Variants in ZNF407 observed in about 807,000 individuals in gnomAD.
The protein encoded by ZNF407 is zinc finger protein 407.
In ZNF407, 17 loss-of-function variants were observed where a neutral mutation model predicts 131.2. The observed-to-expected ratio is 0.13, with a 90% confidence interval of 0.09 to 0.19. The LOEUF is 0.19. Ranked by LOEUF, ZNF407 falls within the 10% of genes least tolerant of loss-of-function variation. ZNF407 has a pLI of 1.00. For missense variants in ZNF407, 2,681 were observed against 2,830.6 expected, an observed-to-expected ratio of 0.95 and a Z score of 1.20; for synonymous variants, 1,156 against 1,062.0, an observed-to-expected ratio of 1.09 and a Z score of -1.72.
At chr18:74,854,433 G>A (rs767831179) in intron 4 of ZNF407, among the ~76,000 whole-genome samples, 10 of 152,162 alleles carry the variant, frequency 6.6e-5, no homozygotes, top group Non-Finnish European at 8.8e-5. Flanking sequence ...GCTGTAACAA[G>A]TAGTGATAAT....
intron 3 of ZNF407, among the ~76,000 whole-genome samples, chr18:74,735,369 A>ATATG (rs1473309043): frequency 6.6e-6 from 1 of 152,216 alleles, no homozygotes; most frequent in African/African-American, 2.4e-5. Context: ...CTTAAAATGG[A>ATATG]TATGTGCTCA....
At chr18:74,859,573 C>T (rs1970908428) in intron 4 of ZNF407, among the ~76,000 whole-genome samples, 1 of 152,124 alleles carries the variant, frequency 6.6e-6, no homozygotes, top group Admixed American at 6.5e-5. Flanking sequence ...AAGGAGGAAG[C>T]AAATCTTTTC....
At chr18:75,034,594 G>A (rs62089934) in intron 8 of ZNF407, among the ~76,000 whole-genome samples, 2 of 151,386 alleles carry the variant, frequency 1.3e-5, no homozygotes, top group East Asian at 1.9e-4. Flanking sequence ...GAGCCACTGC[G>A]CCCGGCGGGT....
In ZNF407 at chr18:74,633,390, G is replaced by A. The variant is rs773173543; in HGVS notation, c.2371G>A (p.Val791Ile). Reference sequence around the variant, plus strand: ...AAATGATAAAAAAGAAGAGTTTGATGTTTCCGGAAATGGAAGGATTGAAGG... The same window carrying A: ...AAATGATAAAAAAGAAGAGTTTGATATTTCCGGAAATGGAAGGATTGAAGG... ...GANDKKEEFDVSGNGRIEGHI... is the reference protein window; with the variant it reads ...GANDKKEEFDISGNGRIEGHI... The change falls in exon 2 of 9, where the codon GTT becomes ATT. Residue 791 changes from valine (V) to isoleucine (I), a missense_variant. By Grantham distance (29) the Val-to-Ile change is conservative. This residue lies in a region of ZNF407 where 1,789 missense variants were observed against 1,748.7 expected (regional missense o/e 1.02). Coordinates refer to ENST00000299687, the MANE Select transcript of ZNF407 (RefSeq NM_017757.3). 1 of 1,613,964 alleles carries A rather than the reference G, an allele frequency of 6.2e-7. No individual in the cohort carries two copies. The highest frequency in any genetic ancestry group is 1.1e-5 in the South Asian group (1 of 91,078).
rs116411862 is a variant in ZNF407 at position 74,952,128 on chromosome 18, G to A, written c.5428+31436G>A. 8.8e-3 allele frequency among the ~76,000 whole-genome samples: 1,343 copies of A among 152,244 alleles called. 21 individuals carry two copies. Among genetic ancestry groups the A allele is most frequent in the African/African-American group, 0.029 (1,216 of 41,528 alleles). ...AGGCATCAACAGTTATTGATCAGGA[G>A]CTTGGGAGGCAAGGAGAAGAAAATA... On this transcript the variant is annotated intron_variant, in intron 8 of 8. Transcript: ENST00000299687.
At chr18:74,763,788 C>A (rs890074084) in intron 3 of ZNF407, among the ~76,000 whole-genome samples, 5 of 144,290 alleles carry the variant, frequency 3.5e-5, no homozygotes, top group Non-Finnish European at 6.0e-5. Context: ...CGGCTCACTG[C>A]AAGCTCTGCC....
At chr18:74,928,203 G>T (rs1193876326) in intron 8 of ZNF407, among the ~76,000 whole-genome samples, 1 of 152,144 alleles carries the variant, frequency 6.6e-6, no homozygotes, top group Non-Finnish European at 1.5e-5. Context: ...GCCCAAAAAG[G>T]TGGGACATCT....
intron 8 of ZNF407, among the ~76,000 whole-genome samples, chr18:75,026,858 G>A (rs1270092496): frequency 6.6e-6 from 1 of 152,176 alleles, no homozygotes; most frequent in African/African-American, 2.4e-5. Flanking sequence ...GAGCTACAGT[G>A]GTTCATCCAT....
intron 8 of ZNF407, among the ~76,000 whole-genome samples, chr18:74,960,695 T>C (rs1268610747): frequency 6.8e-6 from 1 of 146,048 alleles, no homozygotes; most frequent in Non-Finnish European, 1.5e-5. Flanking sequence ...GAGTCAGTGC[T>C]GGGTGGAGGG....
At chr18:74,854,219 C>T (rs1047174665) in intron 4 of ZNF407, among the ~76,000 whole-genome samples, 3 of 152,122 alleles carry the variant, frequency 2.0e-5, no homozygotes, top group Non-Finnish European at 2.9e-5. Context: ...TGTGTTTTAC[C>T]ACTCTCCAGC....
At chr18:75,026,730 C>T (rs1201671929) in intron 8 of ZNF407, among the ~76,000 whole-genome samples, 1 of 152,102 alleles carries the variant, frequency 6.6e-6, no homozygotes, top group African/African-American at 2.4e-5. Flanking sequence ...TGTGATTGGC[C>T]ACATGCACAC....
chr18:75,037,427 GA>G (rs1474400027), intron 8 of ZNF407, among the ~76,000 whole-genome samples: 2 of 151,624 alleles, frequency 1.3e-5, no homozygotes, highest in African/African-American at 4.8e-5. Context: ...GAAAGATGAA[GA>G]AAAAAACTTT....
At chr18:74,890,579 T>C (rs922565768) in intron 7 of ZNF407, among the ~76,000 whole-genome samples, 1 of 152,232 alleles carries the variant, frequency 6.6e-6, no homozygotes, top group Non-Finnish European at 1.5e-5. Flanking sequence ...TTTCTCAAAG[T>C]AAGGAAACCA....
chr18:74,930,583 G>A (rs1971971654), intron 8 of ZNF407, among the ~76,000 whole-genome samples: 2 of 152,100 alleles, frequency 1.3e-5, no homozygotes, highest in South Asian at 2.1e-4. Context: ...GAATTATTCT[G>A]TAAGGAATGG....
chr18:74,983,837 G>A (rs891567437), intron 8 of ZNF407, among the ~76,000 whole-genome samples: 15 of 152,270 alleles, frequency 9.9e-5, no homozygotes, highest in African/African-American at 2.9e-4. Context: ...TCCCACACCC[G>A]TCATGGCTCC....
At chr18:74,826,905 T>C (rs531837958) in intron 4 of ZNF407, among the ~76,000 whole-genome samples, 3 of 152,370 alleles carry the variant, frequency 2.0e-5, no homozygotes, top group Admixed American at 6.5e-5. Flanking sequence ...TTTTAGACTT[T>C]GTATTGAATC....
At chr18:74,684,775 G>A (rs960193687) in intron 3 of ZNF407, among the ~76,000 whole-genome samples, 1 of 152,070 alleles carries the variant, frequency 6.6e-6, no homozygotes, top group Non-Finnish European at 1.5e-5. Flanking sequence ...ACGTGAGTTC[G>A]AACTTTAGTT....
chr18:74,601,356 T>C (rs1982577041), intron 1 of ZNF407, among the ~76,000 whole-genome samples: 1 of 151,250 alleles, frequency 6.6e-6, no homozygotes, highest in South Asian at 2.1e-4. Flanking sequence ...TGTGTGTGTG[T>C]GTGTGTGTCC....
chr18:74,833,600 G>T (rs1007727884), intron 4 of ZNF407, among the ~76,000 whole-genome samples: 5 of 152,184 alleles, frequency 3.3e-5, no homozygotes, highest in African/African-American at 1.2e-4. Context: ...CACAGCGCGA[G>T]GGGGACAGGA....
Sources: allele counts gnomAD v4.1 joint callset (sites outside exome capture counted in the v4.1 genomes callset), GRCh38; gene constraint gnomAD v4.1.1; regional missense constraint gnomAD v4.1.1; transcripts MANE v1.5; gene names NCBI Gene and HGNC (gene_info 2026-07-23, HGNC 2026-07-21).